The following UTRN variants were observed in gnomAD, a reference collection of about 807,000 sequenced individuals.
UTRN encodes utrophin.
In UTRN, 283 loss-of-function variants were observed where a neutral mutation model predicts 463.9. The observed-to-expected ratio is 0.61, with a 90% CI of 0.55 to 0.67. The LOEUF (loss-of-function observed/expected upper bound fraction) is 0.67. Ranked by LOEUF, UTRN falls within the 30% of genes least tolerant of loss-of-function variation. The probability of loss-of-function intolerance (pLI) is 0.00; values close to 1 mark genes in which losing one functional copy is unlikely to be tolerated. For synonymous variants in UTRN, 1,442 were observed against 1,431.5 expected (o/e 1.01, Z -0.17); for missense variants, 3,922 against 4,084.3 (o/e 0.96, Z 1.08).
intron 51 of UTRN, among the ~76,000 whole-genome samples, chr6:144,676,579 G>C (rs933115021): frequency 9.9e-5 from 15 of 151,432 alleles, no homozygotes. Flanking sequence ...AAAATGTGCA[G>C]GTTTGTTACA....
intron 17 of UTRN, among the ~76,000 whole-genome samples, chr6:144,449,576 A>G (rs183239960): frequency 6.6e-6 from 1 of 152,334 alleles, no homozygotes; most frequent in East Asian, 1.9e-4. Flanking sequence ...AGCTGCTGTT[A>G]AGATGACAGG....
intron 50 of UTRN, among the ~76,000 whole-genome samples, chr6:144,570,098 A>G (rs1420770329): frequency 1.3e-5 from 2 of 152,164 alleles, no homozygotes; most frequent in East Asian, 1.9e-4. Context: ...GATAGCAGCA[A>G]TGAAACACCA....
At chr6:144,679,513 C>T (rs998951745) in intron 52 of UTRN, among the ~76,000 whole-genome samples, 1 of 152,160 alleles carries the variant, frequency 6.6e-6, no homozygotes, top group African/African-American at 2.4e-5. Context: ...TATTTACTCT[C>T]TGATCTTGAA....
At chr6:144,526,479 G>A (rs1157492963) in intron 41 of UTRN, among the ~76,000 whole-genome samples, 1 of 151,816 alleles carries the variant, frequency 6.6e-6, no homozygotes, top group African/African-American at 2.4e-5. Flanking sequence ...AATTTATTTT[G>A]TCTGATATAA....
At chr6:144,678,209 T>A (rs968277736) in intron 51 of UTRN, among the ~76,000 whole-genome samples, 197 bp from the exon 52 acceptor site, 1 of 152,164 alleles carries the variant, frequency 6.6e-6, no homozygotes, top group East Asian at 1.9e-4. Flanking sequence ...AAGACAATCC[T>A]AAGCAAAAAG....
intron 65 of UTRN, among the ~76,000 whole-genome samples, chr6:144,805,467 A>T (rs1348438004): frequency 6.6e-6 from 1 of 152,186 alleles, no homozygotes; most frequent in African/African-American, 2.4e-5. Context: ...CCCTGTAAAG[A>T]ACTAGTAGAA....
At chr6:144,669,997 A>G (rs1399132250) in intron 51 of UTRN, among the ~76,000 whole-genome samples, 2 of 145,718 alleles carry the variant, frequency 1.4e-5, no homozygotes, top group Non-Finnish European at 3.1e-5. Flanking sequence ...GTGTATACAT[A>G]TATGTTTACA....
At chr6:144,780,708 C>T (rs1466120335) in intron 60 of UTRN, among the ~76,000 whole-genome samples, 2 of 152,190 alleles carry the variant, frequency 1.3e-5, no homozygotes. Flanking sequence ...GCGGGCCTCC[C>T]CTTGGGCAGT....
At chr6:144,555,722 T>G (rs920591507) in intron 49 of UTRN, among the ~76,000 whole-genome samples, 3 of 152,206 alleles carry the variant, frequency 2.0e-5, no homozygotes, top group African/African-American at 7.2e-5. Flanking sequence ...CATCTGATCT[T>G]GTGAGAACTC....
At chr6:144,655,310 C>G (rs1779215279) in intron 51 of UTRN, among the ~76,000 whole-genome samples, 1 of 152,330 alleles carries the variant, frequency 6.6e-6, no homozygotes, top group South Asian at 2.1e-4. Context: ...ATGGACTGGT[C>G]TCTCCCTAAT....
At chr6:144,823,260 C>G (rs985205182) in intron 66 of UTRN, among the ~76,000 whole-genome samples, 5 of 152,026 alleles carry the variant, frequency 3.3e-5, no homozygotes, top group Non-Finnish European at 7.4e-5. Flanking sequence ...TTATGAACTA[C>G]TAGATATAGT....
chr6:144,458,722 A>G, intron 19 of UTRN, 48 bp from the exon 20 acceptor site: 1 of 1,518,504 alleles, frequency 6.6e-7, no homozygotes, highest in Non-Finnish European at 8.8e-7. Flanking sequence ...AATTCAAGAC[A>G]CATTTTGTAA....
At position 144,793,904 on chromosome 6, in the gene UTRN, T is replaced by C; in HGVS notation, c.8991T>C (p.Asp2997=). The part of the protein sequence containing the change: ...DQRQLGLLLH[D]AIQIPRQLGE... The stretch of plus-strand genomic sequence containing the variant: ...GGCAGCTGGGCCTGTTACTTCATGA[T>C]GCCATCCAGATCCCCCGGCAGCTAG... Residue 2997 remains aspartate, a synonymous_variant, in exon 63 of 75, where the codon GAT becomes GAC. Transcript: ENST00000367545. 6.2e-7 allele frequency: 1 copy of C among 1,614,152 alleles called. No homozygotes were observed. The highest frequency in any genetic ancestry group is 8.5e-7 in the Non-Finnish European group (1 of 1,179,996).
At chr6:144,635,514 CTTTTTTTTTTTTTTTCTTTTCTTTTTTTT>C (rs1216326598) in intron 51 of UTRN, among the ~76,000 whole-genome samples, 6 of 80,012 alleles carry the variant, frequency 7.5e-5, no homozygotes, top group Non-Finnish European at 8.9e-5. Flanking sequence ...CTTTTTTTTT[CTTTTTTTTTTTTTTTCTTTTCTTTTTTTT>C]TTTTTTTTTT....
intron 51 of UTRN, among the ~76,000 whole-genome samples, chr6:144,630,370 A>G (rs1397423338): frequency 1.3e-5 from 2 of 152,180 alleles, no homozygotes; most frequent in Non-Finnish European, 2.9e-5. Flanking sequence ...GGTGATTTAT[A>G]AAGGAAAGAG....
chr6:144,776,316 C>T (rs1200477212), intron 60 of UTRN, among the ~76,000 whole-genome samples: 1 of 152,194 alleles, frequency 6.6e-6, no homozygotes, highest in Non-Finnish European at 1.5e-5. Context: ...CAGGTTCTCT[C>T]ACCTTAGTGA....
intron 69 of UTRN, among the ~76,000 whole-genome samples, chr6:144,833,532 C>A (rs1780849596): frequency 6.6e-6 from 1 of 152,168 alleles, no homozygotes; most frequent in African/African-American, 2.4e-5. Flanking sequence ...AGTTTCTATA[C>A]TCAGATCTTT....
intron 12 of UTRN, among the ~76,000 whole-genome samples, 177 bp from the exon 13 acceptor site, chr6:144,440,175 T>C (rs546562351): frequency 2.0e-5 from 3 of 152,316 alleles, no homozygotes; most frequent in African/African-American, 7.2e-5. Flanking sequence ...TTGTTGATAA[T>C]GGAATGTAAA....
chr6:144,691,075 G>A (rs1449547852), intron 52 of UTRN, among the ~76,000 whole-genome samples: 1 of 151,886 alleles, frequency 6.6e-6, no homozygotes. Context: ...GAAAAAAAAA[G>A]TTTTATTCAG....
Sources: allele counts gnomAD v4.1 joint callset (sites outside exome capture counted in the v4.1 genomes callset), GRCh38; gene constraint gnomAD v4.1.1; transcripts MANE v1.5; gene names NCBI Gene and HGNC (gene_info 2026-07-23, HGNC 2026-07-21).